TNFRSF19: variants seen among roughly 807,000 people sequenced by gnomAD.
TNFRSF19 encodes the protein TNF receptor superfamily member 19.
TNFRSF19 carries 27 observed loss-of-function variants against 46.4 expected under a neutral mutation model. The observed-to-expected ratio is 0.58, with a 90% CI of 0.43 to 0.80. The LOEUF is 0.80. TNFRSF19 is among the 30% of genes least tolerant of loss of function. The pLI is 0.00. For missense variants in TNFRSF19, 511 were observed against 530.8 expected (o/e 0.96, Z 0.37); for synonymous variants, 204 against 205.0 (o/e 1.00, Z 0.04).
intron 1 of TNFRSF19, among the ~76,000 whole-genome samples, chr13:23,575,631 A>T (rs1877904850): frequency 6.6e-6 from 1 of 152,116 alleles, no homozygotes; most frequent in Non-Finnish European, 1.5e-5. Context: ...TGAGATTCTC[A>T]CTCTCAATTA....
chr13:23,621,374 G>A (rs1881644819), intron 4 of TNFRSF19, among the ~76,000 whole-genome samples: 1 of 152,188 alleles, frequency 6.6e-6, no homozygotes, highest in African/African-American at 2.4e-5. Flanking sequence ...AACACAAACA[G>A]CAGGCTGACT....
At chr13:23,604,259 AC>A (rs34398587) in intron 3 of TNFRSF19, among the ~76,000 whole-genome samples, 60 of 149,792 alleles carry the variant, frequency 4.0e-4, no homozygotes, top group African/African-American at 7.6e-4. Flanking sequence ...TTATATTAGC[AC>A]CCCCCCCAAA....
Position 23,659,290 on chromosome 13 carries a change from C to T in TNFRSF19, c.610+76C>T, listed in dbSNP as rs1186262618. 1.9e-5 allele frequency: 28 copies of T among 1,488,558 alleles called. No individual in the cohort carries two copies. The highest frequency in any genetic ancestry group is 2.5e-5 in the Non-Finnish European group (28 of 1,099,864). The allele number at this position is 1,488,558 out of a possible 1,614,324, so 92.2% of individuals were successfully genotyped here. The stretch of plus-strand genomic sequence containing the variant: ...TTACTATTGTCGTGCAAGTGTTCCA[C>T]AAGAGACTTGGCTGAGACAAGCACC... On this transcript the variant is annotated intron_variant, in intron 6 of 9. Transcript: ENST00000248484. The surrounding 1 kb of genome is among the most constrained non-coding windows in gnomAD (Gnocchi z 4.9).
At chr13:23,618,734 G>A (rs573778472) in intron 4 of TNFRSF19, among the ~76,000 whole-genome samples, 16 of 152,272 alleles carry the variant, frequency 1.1e-4, no homozygotes, top group South Asian at 2.1e-4. Flanking sequence ...AGCAGTTTAC[G>A]TAATAGCCAA....
At chr13:23,600,126 G>T (rs1880029265) in intron 3 of TNFRSF19, among the ~76,000 whole-genome samples, 1 of 152,096 alleles carries the variant, frequency 6.6e-6, no homozygotes, top group South Asian at 2.1e-4. Flanking sequence ...CAGACCATAA[G>T]ATGAAAGTCC....
At chr13:23,599,211 T>A (rs926542511) in intron 3 of TNFRSF19, among the ~76,000 whole-genome samples, 1 of 152,230 alleles carries the variant, frequency 6.6e-6, no homozygotes, top group Admixed American at 6.5e-5. Context: ...CATAGATTTT[T>A]CTGTGTGGGG....
chr13:23,594,218 A>G (rs773589126), intron 3 of TNFRSF19: 1 of 449,420 alleles, frequency 2.2e-6, no homozygotes, highest in South Asian at 1.6e-5. Context: ...TTTTTTTTTC[A>G]TACCCTAGTG....
intron 1 of TNFRSF19, among the ~76,000 whole-genome samples, chr13:23,584,627 T>TAAA (rs67871815): frequency 7.3e-6 from 1 of 137,208 alleles, no homozygotes. Context: ...AAGTTTTATT[T>TAAA]AAAAAAAAAA....
intron 7 of TNFRSF19, among the ~76,000 whole-genome samples, chr13:23,661,796 C>T (rs1884383646): frequency 6.6e-6 from 1 of 152,122 alleles, no homozygotes; most frequent in Non-Finnish European, 1.5e-5. Flanking sequence ...ATCATCAGTG[C>T]TGTTGAGCTT....
chr13:23,667,868 A>G (rs1441662973), intron 7 of TNFRSF19, 112 bp from the exon 8 acceptor site: 10 of 882,364 alleles, frequency 1.1e-5, no homozygotes, highest in South Asian at 4.2e-5. Flanking sequence ...TTTTCCCCCA[A>G]AAGTCACCCA....
At chr13:23,610,452 T>A (rs981079386) in intron 3 of TNFRSF19, among the ~76,000 whole-genome samples, 1 of 152,162 alleles carries the variant, frequency 6.6e-6, no homozygotes, top group Non-Finnish European at 1.5e-5. Context: ...CCCAGCCCTC[T>A]GCTCCCTTGG....
At chr13:23,669,189 G>A in intron 9 of TNFRSF19, 92 bp downstream of exon 9, 3 of 1,467,724 alleles carry the variant, frequency 2.0e-6, no homozygotes, top group Non-Finnish European at 2.7e-6. Flanking sequence ...GGAACCTGAT[G>A]AGTTTTTTTT....
intron 3 of TNFRSF19, among the ~76,000 whole-genome samples, chr13:23,599,299 A>G (rs903566730): frequency 2.6e-5 from 4 of 152,230 alleles, no homozygotes; most frequent in Non-Finnish European, 1.5e-5. Flanking sequence ...ATCATGCCCA[A>G]GAGGAAAATA....
intron 4 of TNFRSF19, among the ~76,000 whole-genome samples, chr13:23,619,747 G>A (rs1881532771): frequency 6.6e-6 from 1 of 152,146 alleles, no homozygotes. Flanking sequence ...TCTACATCTG[G>A]AGGTAGAGAA....
intron 4 of TNFRSF19, among the ~76,000 whole-genome samples, chr13:23,625,326 CTTTTTTT>C: frequency 9.3e-6 from 1 of 107,318 alleles, no homozygotes. Context: ...TGATTGTATT[CTTTTTTT>C]TTTTTTTTTT....
Position 23,614,532 on chromosome 13 carries a change from CTG to C in TNFRSF19, c.181-1334_181-1333del, listed in dbSNP as rs3838828. Among the ~76,000 whole-genome samples the C allele has an allele frequency of 0.011, 1,622 of 152,138 alleles. 140 individuals carry two copies. In the East Asian group the frequency reaches 0.22, roughly 21 times the overall value. ...CATCCAGGGTTTACAAATGAGGAAA[CTG>C]AGGTTTCTTGCAAGCCTTTCTTCCT... On this transcript the variant is annotated intron_variant, in intron 3 of 9. Transcript: ENST00000248484.
chr13:23,581,287 A>G (rs1455040315), intron 1 of TNFRSF19, among the ~76,000 whole-genome samples: 1 of 152,016 alleles, frequency 6.6e-6, no homozygotes, highest in Non-Finnish European at 1.5e-5. Flanking sequence ...CTGGGACTAC[A>G]GGCGCCCGCC....
At chr13:23,597,233 A>C (rs1198668143) in intron 3 of TNFRSF19, among the ~76,000 whole-genome samples, 2 of 152,176 alleles carry the variant, frequency 1.3e-5, no homozygotes, top group Non-Finnish European at 2.9e-5. Context: ...GAAGACAGGA[A>C]ACAACTAAGA....
intron 5 of TNFRSF19, among the ~76,000 whole-genome samples, chr13:23,639,667 G>T (rs948582892): frequency 6.6e-6 from 1 of 152,148 alleles, no homozygotes; most frequent in Non-Finnish European, 1.5e-5. Flanking sequence ...GCACAAACCA[G>T]TCAGGCCCCC....
Sources: gnomAD v4.1 joint callset for allele counts (sites outside exome capture counted in the v4.1 genomes callset) on GRCh38, gnomAD v4.1.1 for gene constraint, Gnocchi (gnomAD v3.1) non-coding constraint, MANE v1.5 for transcripts, NCBI Gene and HGNC (gene_info 2026-07-23, HGNC 2026-07-21) for gene names.